The following NEMF variants were observed in gnomAD, a reference collection of about 807,000 sequenced individuals.
NEMF encodes ribosome quality control complex subunit NEMF.
Under a neutral mutation model 162.2 loss-of-function variants are expected in NEMF, and 89 were observed. That is an observed-to-expected ratio of 0.55 (90% CI 0.46 to 0.65). NEMF has a LOEUF of 0.65. Among genes scored for constraint, NEMF ranks in the 30% least tolerant of loss-of-function variants. The probability of loss-of-function intolerance (pLI) is 0.00; values close to 1 mark genes in which losing one functional copy is unlikely to be tolerated. For synonymous variants in NEMF, 421 were observed against 404.5 expected (o/e 1.04, Z -0.49); for missense variants, 1,133 against 1,261.9 (o/e 0.90, Z 1.55).
rs533836079 is a variant in NEMF, at chr14:49,810,097, G to A, written c.1744+3891C>T. ...CTATTTAAAAAAAGAGGCCGGGTGC[G>A]GTGGCTCGTGCCTGTAATCCCAGCA... On this transcript the variant is annotated intron_variant, in intron 18 of 32. Transcript: ENST00000298310. Among the ~76,000 whole-genome samples, 352 of 152,154 alleles carry A rather than the reference G, an allele frequency of 2.3e-3. 3 individuals are homozygous for A. Among genetic ancestry groups the A allele is most frequent in the African/African-American group, 7.8e-3 (322 of 41,510 alleles).
At chr14:49,807,288 A>C (rs1042911857) in intron 18 of NEMF, among the ~76,000 whole-genome samples, 6 of 152,228 alleles carry the variant, frequency 3.9e-5, no homozygotes, top group Non-Finnish European at 5.9e-5. Context: ...TCATTAATTG[A>C]ATGACATATG....
At chr14:49,786,603 C>T (rs1289420879) in intron 29 of NEMF, 115 bp downstream of exon 29, 6 of 975,420 alleles carry the variant, frequency 6.2e-6, no homozygotes, top group African/African-American at 1.6e-5. Flanking sequence ...AGTTTGACTT[C>T]GTAGCCTGCA....
chr14:49,804,722 TTAG>T (rs1891110744), intron 19 of NEMF, among the ~76,000 whole-genome samples: 1 of 151,848 alleles, frequency 6.6e-6, no homozygotes, highest in Admixed American at 6.6e-5. Flanking sequence ...AGTATCTTTA[TTAG>T]TCATAGTTAT....
chr14:49,803,088 C>T, intron 20 of NEMF, 149 bp downstream of exon 20: 1 of 622,770 alleles, frequency 1.6e-6, no homozygotes, highest in Non-Finnish European at 2.8e-6. Context: ...CTTGTCACAC[C>T]AAGGCAAAAA....
intron 8 of NEMF, among the ~76,000 whole-genome samples, chr14:49,832,896 G>A (rs556961577): frequency 6.6e-6 from 1 of 152,218 alleles, no homozygotes; most frequent in East Asian, 1.9e-4. Flanking sequence ...CTGAAGAGCC[G>A]ATACTAACCT....
intron 26 of NEMF, among the ~76,000 whole-genome samples, chr14:49,792,643 A>G (rs1890506528): frequency 6.6e-6 from 1 of 152,212 alleles, no homozygotes; most frequent in Admixed American, 6.5e-5. Flanking sequence ...AAGCCAATTA[A>G]TATATTTTTC....
intron 25 of NEMF, among the ~76,000 whole-genome samples, 192 bp downstream of exon 25, chr14:49,799,283 T>C (rs1017990501): frequency 6.7e-6 from 1 of 149,492 alleles, no homozygotes. Context: ...TCATTGATTA[T>C]AGTTATAGAT....
At chr14:49,786,460 A>C (rs1890184144) in intron 29 of NEMF, 2 of 481,994 alleles carry the variant, frequency 4.1e-6, no homozygotes, top group Non-Finnish European at 7.3e-6. Flanking sequence ...CCCTTTACAT[A>C]CATTAGTTAT....
rs1221656797 is a variant in NEMF, at chr14:49,795,890, C to T, written c.2520G>A (p.Glu840=). Residue 840 remains glutamate, a synonymous_variant, in exon 26 of 33, where the codon GAG becomes GAA. Coordinates refer to ENST00000298310, the MANE Select transcript of NEMF (RefSeq NM_004713.6). ...TACTTTCTTTTTCTTTATCCTTTCC[C>T]TCTAACGCTTCTAAATCTCCTGAGT... ...PSDSGDLEAL[E]GKDKEKESTV... The T allele has an allele frequency of 1.2e-6, 2 of 1,612,614 alleles. No homozygotes were observed. The highest frequency in any genetic ancestry group is 3.3e-5 in the Admixed American group (2 of 59,728).
intron 4 of NEMF, 70 bp downstream of exon 4, chr14:49,846,070 G>A (rs750826202): frequency 3.0e-6 from 4 of 1,352,848 alleles, no homozygotes; most frequent in African/African-American, 1.5e-5. Flanking sequence ...CCCCACTCAT[G>A]TTATATAGCA....
chr14:49,818,909 C>T (rs958824284), intron 16 of NEMF, among the ~76,000 whole-genome samples: 3 of 152,162 alleles, frequency 2.0e-5, no homozygotes, highest in Non-Finnish European at 4.4e-5. Context: ...ATGGCCAACA[C>T]AGATCATTTC....
intron 14 of NEMF, 115 bp from the exon 15 acceptor site, chr14:49,828,469 T>A (rs1892471402): frequency 1.0e-6 from 1 of 969,924 alleles, no homozygotes. Flanking sequence ...ACAAACTGTA[T>A]AATTAACAAA....
At chr14:49,789,660 T>C (rs1299284597) in intron 26 of NEMF, 87 bp from the exon 27 acceptor site, 1 of 1,518,036 alleles carries the variant, frequency 6.6e-7, no homozygotes, top group Non-Finnish European at 8.8e-7. Context: ...TTACTTTATA[T>C]TCTCTGTCAA....
At position 49,833,503 on chromosome 14, in the gene NEMF, G is replaced by T; in HGVS notation, c.662-7C>A. On this transcript the variant is annotated splice_region_variant and splice_polypyrimidine_tract_variant and intron_variant, in intron 7 of 32. Coordinates refer to ENST00000298310, the MANE Select transcript of NEMF (RefSeq NM_004713.6). ...ACAAGTACTTTTTCAATATCTAATGGTGGGGGAAAAAAAGGAAAAAAGGAG... is the reference window on the plus strand; with the variant it reads ...ACAAGTACTTTTTCAATATCTAATGTTGGGGGAAAAAAAGGAAAAAAGGAG... 2 of 1,551,746 alleles carry T rather than the reference G, an allele frequency of 1.3e-6. No individual in the cohort carries two copies. Among genetic ancestry groups the T allele is most frequent in the Non-Finnish European group, 1.8e-6 (2 of 1,140,932 alleles).
At chr14:49,832,377 G>T in intron 8 of NEMF, 100 bp from the exon 9 acceptor site, 1 of 782,308 alleles carries the variant, frequency 1.3e-6, no homozygotes. Flanking sequence ...CATCACCCAG[G>T]CTGGAGTGCA....
At chr14:49,804,058 G>A (rs1891077273) in intron 19 of NEMF, among the ~76,000 whole-genome samples, 1 of 149,598 alleles carries the variant, frequency 6.7e-6, no homozygotes, top group Non-Finnish European at 1.5e-5. Flanking sequence ...AGGCTGGAGT[G>A]CAGTGGCTTG....
At chr14:49,827,432 C>T (rs1242752965) in intron 15 of NEMF, among the ~76,000 whole-genome samples, 3 of 152,162 alleles carry the variant, frequency 2.0e-5, no homozygotes, top group Non-Finnish European at 4.4e-5. Context: ...AGCGATCCAC[C>T]GGCCTCGGCC....
At chr14:49,831,155 C>G (rs1186740371) in intron 11 of NEMF, 144 bp downstream of exon 11, 16 of 563,304 alleles carry the variant, frequency 2.8e-5, no homozygotes, top group Admixed American at 1.4e-4. Flanking sequence ...TCTTCATAAA[C>G]CTTTATCATA....
At chr14:49,801,190 T>G (rs111752382) in intron 22 of NEMF, 1 of 156,736 alleles carries the variant, frequency 6.4e-6, no homozygotes, top group Non-Finnish European at 1.4e-5. Context: ...GTTGTGAGAA[T>G]AGAAAATAAT....
Sources: gnomAD v4.1 joint callset for allele counts (sites outside exome capture counted in the v4.1 genomes callset) on GRCh38, gnomAD v4.1.1 for gene constraint, MANE v1.5 for transcripts, NCBI Gene and HGNC (gene_info 2026-07-23, HGNC 2026-07-21) for gene names.